Variants in MAGEC3 observed in about 807,000 individuals in gnomAD.
MAGEC3 encodes the protein MAGE family member C3, also known as melanoma-associated antigen C3.
A neutral mutation model predicts 35.3 loss-of-function variants in MAGEC3; 34 were observed. The ratio of observed to expected loss-of-function variants is 0.96; its 90% CI spans 0.73 to 1.28. The LOEUF (loss-of-function observed/expected upper bound fraction) is 1.28. MAGEC3 is among the 50% of genes most tolerant of loss of function. The pLI is 0.00. For missense variants in MAGEC3, 561 were observed against 483.6 expected (o/e 1.16, Z -1.50); for synonymous variants, 202 against 185.6 (o/e 1.09, Z -0.72).
At chrX:141,891,925 AT>A (rs1188166780) in intron 4 of MAGEC3, among the ~76,000 whole-genome samples, 6 of 109,832 alleles carry the variant, frequency 5.5e-5, no homozygotes, top group African/African-American at 2.0e-4. Flanking sequence ...GAGGTTATTA[AT>A]GCTGGCCCTA....
At chrX:141,854,455 G>A in intron 1 of MAGEC3, among the ~76,000 whole-genome samples, 1 of 111,182 alleles carries the variant, frequency 9.0e-6, no homozygotes, top group Middle Eastern at 4.7e-3. Flanking sequence ...ATTCCTACAT[G>A]TTGTGGGAGG....
At chrX:141,859,707 A>G (rs1237160068) in intron 1 of MAGEC3, among the ~76,000 whole-genome samples, 1 of 111,090 alleles carries the variant, frequency 9.0e-6, no homozygotes, top group Non-Finnish European at 1.9e-5. Flanking sequence ...TTTAGGACTT[A>G]AGGAACAACA....
At chrX:141,880,949 A>G (rs2017958884) in intron 3 of MAGEC3, 3 of 623,002 alleles carry the variant, frequency 4.8e-6, no homozygotes, top group Non-Finnish European at 5.3e-6. Flanking sequence ...CTGCTCACAC[A>G]TTTACCTCCT....
intron 4 of MAGEC3, chrX:141,894,722 T>C: frequency 1.0e-6 from 1 of 970,265 alleles, no homozygotes; most frequent in Non-Finnish European, 1.3e-6. Context: ...GAAGGATAGC[T>C]ATCTCCCAAC....
chrX:141,896,592 G>A, intron 6 of MAGEC3: 2 of 1,191,551 alleles, frequency 1.7e-6, no homozygotes, highest in Non-Finnish European at 2.3e-6. Flanking sequence ...CAGGCCTGTG[G>A]GATCCCATCA....
At chrX:141,871,680 G>T (rs1389265064) in intron 2 of MAGEC3, among the ~76,000 whole-genome samples, 1 of 112,161 alleles carries the variant, frequency 8.9e-6, no homozygotes, top group Non-Finnish European at 1.9e-5. Flanking sequence ...AATTCCCTGT[G>T]AAAAGGAGAG....
intron 4 of MAGEC3, among the ~76,000 whole-genome samples, chrX:141,891,714 A>C (rs1602631405): frequency 1.9e-5 from 2 of 103,847 alleles, no homozygotes; most frequent in East Asian, 5.9e-4. Context: ...TGCATATATA[A>C]ATATATATAT....
intron 3 of MAGEC3, 105 bp downstream of exon 3, chrX:141,879,536 G>A: frequency 1.0e-6 from 1 of 981,359 alleles, no homozygotes; most frequent in Non-Finnish European, 1.4e-6. Flanking sequence ...AGGTAGGCAG[G>A]AAGGGGTGGA....
At chrX:141,894,800 G>A in intron 4 of MAGEC3, 1 of 962,988 alleles carries the variant, frequency 1.0e-6, no homozygotes, top group Middle Eastern at 3.0e-4. Flanking sequence ...CAGATGGAGA[G>A]GTGAAAACGG....
At chrX:141,886,393 A>G (rs2018002931) in intron 4 of MAGEC3, among the ~76,000 whole-genome samples, 1 of 111,038 alleles carries the variant, frequency 9.0e-6, no homozygotes, top group South Asian at 3.9e-4. Context: ...ACTCCACTAC[A>G]CTATCAACAA....
chrX:141,850,162 C>T (rs899124556), intron 1 of MAGEC3, among the ~76,000 whole-genome samples: 6 of 110,571 alleles, frequency 5.4e-5, no homozygotes, highest in East Asian at 2.9e-4. Flanking sequence ...TTTAAGTGGG[C>T]GATAAACACT....
Position 141,881,387 on chromosome X carries a change from C to T in MAGEC3, c.516-16C>T, listed in dbSNP as rs376470356. On this transcript the variant is annotated splice_polypyrimidine_tract_variant and intron_variant, in intron 3 of 7. Coordinates refer to ENST00000298296, the MANE Select transcript of MAGEC3 (RefSeq NM_138702.1). ...CCTAGCAGCCAATAAGATGAAGATACAAGTACCTGGCACAGCTTGCCAGAG... is the reference window on the plus strand; with the variant it reads ...CCTAGCAGCCAATAAGATGAAGATATAAGTACCTGGCACAGCTTGCCAGAG... 7.6e-5 allele frequency: 90 copies of T among 1,178,834 alleles called. 1 individual carries two copies. The African/African-American group carries it at 1.5e-3, about 19-fold the overall frequency.
intron 1 of MAGEC3, among the ~76,000 whole-genome samples, chrX:141,853,835 G>T (rs1180739799): frequency 5.4e-5 from 6 of 111,492 alleles, no homozygotes; most frequent in Non-Finnish European, 3.8e-5. Context: ...CTGATAAACA[G>T]AAGTTAATGA....
At chrX:141,839,866 A>C in intron 1 of MAGEC3, 4 of 469,898 alleles carry the variant, frequency 8.5e-6, no homozygotes, top group Non-Finnish European at 1.1e-5. Context: ...CTGGTATTTA[A>C]TAAGCAGAGA....
intron 2 of MAGEC3, among the ~76,000 whole-genome samples, chrX:141,875,767 C>T (rs1319184693): frequency 6.3e-5 from 7 of 111,918 alleles, no homozygotes; most frequent in African/African-American, 2.3e-4. Flanking sequence ...AGATAATTCC[C>T]GAGGGCATGG....
At chrX:141,862,129 G>A (rs907638422) in intron 1 of MAGEC3, among the ~76,000 whole-genome samples, 2 of 111,174 alleles carry the variant, frequency 1.8e-5, no homozygotes, top group Non-Finnish European at 3.8e-5. Flanking sequence ...CAAATGACAC[G>A]AATACACATT....
At chrX:141,879,490 C>A in intron 3 of MAGEC3, 59 bp downstream of exon 3, 1 of 1,094,393 alleles carries the variant, frequency 9.1e-7, no homozygotes, top group Non-Finnish European at 1.2e-6. Flanking sequence ...GGAGGGATAC[C>A]GAGAGGTGGG....
chrX:141,880,604 G>C, intron 3 of MAGEC3: 1 of 345,675 alleles, frequency 2.9e-6, no homozygotes, highest in African/African-American at 2.7e-5. Context: ...AGGAGTCAAG[G>C]TGAGTGCACG....
Position 141,881,815 on chromosome X carries a change from C to T in MAGEC3, c.909+19C>T. The T allele has an allele frequency of 2.5e-6, 3 of 1,210,614 alleles. No homozygotes were observed. The highest frequency in any genetic ancestry group is 3.4e-6 in the Non-Finnish European group (3 of 894,949). On this transcript the variant is annotated intron_variant, in intron 4 of 7. Transcript: ENST00000298296. The stretch of plus-strand genomic sequence containing the variant: ...AATAGGGGTGTGTGCTCAGAGGGAG[C>T]ATTTCGTCTATCGGGAGCCCAGGGA...
Sources: allele counts gnomAD v4.1 joint callset (sites outside exome capture counted in the v4.1 genomes callset), GRCh38; gene constraint gnomAD v4.1.1; transcripts MANE v1.5; gene names NCBI Gene and HGNC (gene_info 2026-07-23, HGNC 2026-07-21).